Variants in IMMP2L observed in about 807,000 individuals in gnomAD.
IMMP2L encodes the protein inner mitochondrial membrane peptidase subunit 2.
A neutral mutation model predicts 19.3 loss-of-function variants in IMMP2L; 18 were observed. The ratio of observed to expected loss-of-function variants is 0.93; its 90% CI spans 0.64 to 1.38. The LOEUF is 1.38. IMMP2L is among the 40% of genes most tolerant of loss of function. IMMP2L has a pLI of 0.00. For missense variants in IMMP2L, 233 were observed against 218.2 expected, an observed-to-expected ratio of 1.07 and a Z score of -0.43; for synonymous variants, 76 against 73.0, an observed-to-expected ratio of 1.04 and a Z score of -0.21.
chr7:111,198,235 G>A (rs1044213105), intron 3 of IMMP2L, among the ~76,000 whole-genome samples: 2 of 152,170 alleles, frequency 1.3e-5, no homozygotes, highest in Non-Finnish European at 2.9e-5. Context: ...ACTGGCTGAA[G>A]TTTTGATCTG....
Position 110,913,948 on chromosome 7 carries a change from G to GT in IMMP2L, c.306-27254dup, listed in dbSNP as rs1163201853. On this transcript the variant is annotated intron_variant, in intron 4 of 5. Coordinates refer to ENST00000405709, the MANE Select transcript of IMMP2L (RefSeq NM_032549.4). ...GATCTCAGGTAAAGTTTTCTCAGGTGTTTTTTTGCTAATAATTTGGCAAAC... is the reference window on the plus strand; with the variant it reads ...GATCTCAGGTAAAGTTTTCTCAGGTGTTTTTTTTGCTAATAATTTGGCAAAC... Among the ~76,000 whole-genome samples, 4 of 152,146 alleles carry GT rather than the reference G, an allele frequency of 2.6e-5. No individual in the cohort carries two copies. In the East Asian group the frequency reaches 5.8e-4, roughly 22 times the overall value.
chr7:111,292,833 T>C (rs902946369), intron 3 of IMMP2L, among the ~76,000 whole-genome samples: 4 of 152,046 alleles, frequency 2.6e-5, no homozygotes, highest in Non-Finnish European at 5.9e-5. Context: ...TGATACGTGC[T>C]CTGCATAATA....
At chr7:110,675,118 C>T (rs886662989) in intron 5 of IMMP2L, among the ~76,000 whole-genome samples, 1 of 152,104 alleles carries the variant, frequency 6.6e-6, no homozygotes, top group Non-Finnish European at 1.5e-5. Flanking sequence ...TTCTTGACCT[C>T]CCACCTTTGG....
chr7:111,067,344 G>A (rs1402957550), intron 3 of IMMP2L, among the ~76,000 whole-genome samples: 1 of 152,186 alleles, frequency 6.6e-6, no homozygotes, highest in Non-Finnish European at 1.5e-5. Flanking sequence ...TCTGACCTGG[G>A]AAGCTGACCT....
rs1443492111 is a variant in IMMP2L at position 110,718,933 on chromosome 7, G to T, written c.409-55212C>A. 3.9e-5 allele frequency among the ~76,000 whole-genome samples: 6 copies of T among 152,138 alleles called. No homozygotes were observed. The South Asian group carries it at 1.2e-3, about 32-fold the overall frequency. ...GAATACACAAATGAGGCTGGCTGAAGCTGCAAATGACTAGATCAAGGGGTC... is the reference window on the plus strand; with the variant it reads ...GAATACACAAATGAGGCTGGCTGAATCTGCAAATGACTAGATCAAGGGGTC... On this transcript the variant is annotated intron_variant, in intron 5 of 5. Coordinates refer to ENST00000405709, the MANE Select transcript of IMMP2L (RefSeq NM_032549.4).
intron 5 of IMMP2L, among the ~76,000 whole-genome samples, chr7:110,707,002 TA>T (rs1175843867): frequency 3.7e-5 from 1 of 26,920 alleles, no homozygotes; most frequent in Non-Finnish European, 8.1e-5. Context: ...TTTTTTTTTT[TA>T]ATTTTTTTTT....
chr7:111,382,152 C>T (rs534732778), intron 3 of IMMP2L, among the ~76,000 whole-genome samples: 2 of 151,808 alleles, frequency 1.3e-5, no homozygotes, highest in East Asian at 3.9e-4. Flanking sequence ...AGAACAGTGA[C>T]ACAAAAATTC....
Position 111,562,106 on chromosome 7 carries a change from T to G in IMMP2L, c.-258A>C, listed in dbSNP as rs1792143232. 6.6e-6 allele frequency: 1 copy of G among 152,248 alleles called. No individual in the cohort carries two copies. The allele number at this position is 152,248 out of a possible 1,614,324, so 9.4% of individuals were successfully genotyped here. On this transcript the variant is annotated 5_prime_UTR_variant, in exon 1 of 6. Transcript: ENST00000405709. ...TGAGGACTGGGAGAGGGCGCGTTGT[T>G]GGGGCGCCGGCTCGGCGGGGAGGAG...
chr7:110,783,962 C>G (rs918480644), intron 5 of IMMP2L, among the ~76,000 whole-genome samples: 10 of 151,926 alleles, frequency 6.6e-5, no homozygotes, highest in African/African-American at 1.9e-4. Context: ...TTCATTATAA[C>G]TATTAAAATT....
At chr7:110,713,652 GTTT>G (rs34712036) in intron 5 of IMMP2L, among the ~76,000 whole-genome samples, 282 of 141,918 alleles carry the variant, frequency 2.0e-3, no homozygotes, top group African/African-American at 6.0e-3. Flanking sequence ...ATTTTTAGGT[GTTT>G]TTTTTTTTTT....
At chr7:110,781,816 A>T (rs925709796) in intron 5 of IMMP2L, among the ~76,000 whole-genome samples, 2 of 151,958 alleles carry the variant, frequency 1.3e-5, no homozygotes, top group African/African-American at 4.8e-5. Flanking sequence ...TACTTATTTT[A>T]ATAACAAAAA....
intron 3 of IMMP2L, among the ~76,000 whole-genome samples, chr7:111,035,091 T>C (rs1033653848): frequency 2.0e-5 from 3 of 152,148 alleles, no homozygotes; most frequent in Non-Finnish European, 4.4e-5. Context: ...AATCCAATAC[T>C]GCTTTGAGAC....
At chr7:110,775,747 T>C (rs1475579304) in intron 5 of IMMP2L, among the ~76,000 whole-genome samples, 1 of 151,904 alleles carries the variant, frequency 6.6e-6, no homozygotes, top group Non-Finnish European at 1.5e-5. Flanking sequence ...AAACATTAAA[T>C]GTAGAGTAAA....
chr7:111,345,375 T>G (rs1367812355), intron 3 of IMMP2L, among the ~76,000 whole-genome samples: 1 of 152,174 alleles, frequency 6.6e-6, no homozygotes, highest in African/African-American at 2.4e-5. Context: ...AATAAGCAGC[T>G]GTTTGCAATA....
At chr7:111,196,911 A>G (rs907844834) in intron 3 of IMMP2L, among the ~76,000 whole-genome samples, 1 of 152,166 alleles carries the variant, frequency 6.6e-6, no homozygotes, top group Non-Finnish European at 1.5e-5. Context: ...TGGTTCTCAG[A>G]GCTGTGCAGT....
At chr7:111,324,079 C>T (rs1243564151) in intron 3 of IMMP2L, among the ~76,000 whole-genome samples, 3 of 152,100 alleles carry the variant, frequency 2.0e-5, no homozygotes, top group African/African-American at 7.2e-5. Flanking sequence ...CAACATGGCA[C>T]ATGTATACAT....
chr7:111,522,664 G>A (rs1285239728), intron 1 of IMMP2L, among the ~76,000 whole-genome samples: 14 of 152,082 alleles, frequency 9.2e-5, no homozygotes, highest in African/African-American at 2.2e-4. Context: ...GGAGCAAAAG[G>A]AACCCTTATA....
At chr7:111,357,747 A>G (rs1169224214) in intron 3 of IMMP2L, among the ~76,000 whole-genome samples, 2 of 152,018 alleles carry the variant, frequency 1.3e-5, no homozygotes, top group Non-Finnish European at 1.5e-5. Flanking sequence ...AAAAGGAAGT[A>G]CTCTCTTAGC....
intron 5 of IMMP2L, among the ~76,000 whole-genome samples, chr7:110,806,805 T>C (rs564294987): frequency 7.8e-4 from 119 of 152,076 alleles, no homozygotes; most frequent in Non-Finnish European, 1.1e-3. Context: ...GAAAAGGTGA[T>C]ATGAAAGATG....
Sources: gnomAD v4.1 joint callset for allele counts (sites outside exome capture counted in the v4.1 genomes callset) on GRCh38, gnomAD v4.1.1 for gene constraint, MANE v1.5 for transcripts, NCBI Gene and HGNC (gene_info 2026-07-23, HGNC 2026-07-21) for gene names.